The following PCDH9 variants were observed in gnomAD, a reference collection of about 807,000 sequenced individuals.
PCDH9 encodes protocadherin 9, also known as protocadherin-9.
PCDH9 carries 24 observed loss-of-function variants against 70.6 expected under a neutral mutation model. The ratio of observed to expected loss-of-function variants is 0.34; its 90% CI spans 0.25 to 0.48. The LOEUF is 0.48. PCDH9 is among the 20% of genes least tolerant of loss of function. PCDH9 has a pLI of 0.99. For synonymous variants in PCDH9, 562 were observed against 558.5 expected, an observed-to-expected ratio of 1.01 and a Z score of -0.09; for missense variants, 1,281 against 1,503.6, an observed-to-expected ratio of 0.85 and a Z score of 2.45.
chr13:67,051,714 T>A (rs887860605), intron 2 of PCDH9, among the ~76,000 whole-genome samples: 1 of 151,962 alleles, frequency 6.6e-6, no homozygotes, highest in African/African-American at 2.4e-5. Flanking sequence ...AGAAAAGACT[T>A]AAAGGAAGCT....
chr13:67,169,471 A>G (rs1455256058), intron 2 of PCDH9, among the ~76,000 whole-genome samples: 1 of 152,200 alleles, frequency 6.6e-6, no homozygotes, highest in Non-Finnish European at 1.5e-5. Context: ...CCATAAAATC[A>G]TTTCTGATTA....
intron 3 of PCDH9, among the ~76,000 whole-genome samples, chr13:66,791,525 T>C (rs1312648880): frequency 6.6e-6 from 1 of 152,082 alleles, no homozygotes; most frequent in Non-Finnish European, 1.5e-5. Flanking sequence ...TACTTTCAAA[T>C]ACAAAAAGTA....
In PCDH9 at chr13:66,706,548, G is replaced by T. The variant is rs961141328; in HGVS notation, c.3139-75137C>A. Among the ~76,000 whole-genome samples the T allele has an allele frequency of 2.6e-5, 4 of 152,166 alleles. 1 individual carries two copies. Among genetic ancestry groups the T allele is most frequent in the Admixed American group, 1.3e-4 (2 of 15,282 alleles). Reference sequence around the variant, plus strand: ...CTGACATTAACTGCTAGCAGCTGCAGTAGTGGTAGTAGCAGTAATATTTAC... The same window carrying T: ...CTGACATTAACTGCTAGCAGCTGCATTAGTGGTAGTAGCAGTAATATTTAC... On this transcript the variant is annotated intron_variant, in intron 3 of 4. Coordinates refer to ENST00000377865, the MANE Select transcript of PCDH9 (RefSeq NM_203487.3).
intron 3 of PCDH9, among the ~76,000 whole-genome samples, chr13:66,772,706 CTA>C (rs1452593422): frequency 1.3e-5 from 2 of 151,896 alleles, no homozygotes; most frequent in Non-Finnish European, 2.9e-5. Flanking sequence ...AAAAATAAAA[CTA>C]TGAAAATATC....
At chr13:67,015,662 T>C (rs542598078) in intron 2 of PCDH9, among the ~76,000 whole-genome samples, 2 of 152,276 alleles carry the variant, frequency 1.3e-5, no homozygotes, top group East Asian at 3.9e-4. Context: ...TTCAAAAGGC[T>C]TAAAAACTTT....
intron 3 of PCDH9, among the ~76,000 whole-genome samples, chr13:66,632,832 C>T (rs1272333619): frequency 1.3e-5 from 2 of 151,706 alleles, no homozygotes; most frequent in Non-Finnish European, 2.9e-5. Flanking sequence ...CACTTAAATT[C>T]AGAATTAATA....
At chr13:66,834,127 A>G (rs1208651576) in intron 3 of PCDH9, among the ~76,000 whole-genome samples, 3 of 148,030 alleles carry the variant, frequency 2.0e-5, no homozygotes, top group Non-Finnish European at 4.5e-5. Context: ...GTTATTTGTT[A>G]TCCTGAATAT....
rs201553180 is a variant in PCDH9 at position 67,102,377 on chromosome 13, T to A, written c.3036+123028A>T. Among the ~76,000 whole-genome samples the A allele has an allele frequency of 2.8e-4, 43 of 152,108 alleles. No homozygotes were observed. The East Asian group carries it at 7.2e-3, about 25-fold the overall frequency. ...GAAAACAGGCAAACTACACCTACAA[T>A]CCGAGAATATTCTAAACACAGAAAG... On this transcript the variant is annotated intron_variant, in intron 2 of 4. Transcript: ENST00000377865.
intron 4 of PCDH9, among the ~76,000 whole-genome samples, chr13:66,439,200 C>T (rs956465595): frequency 6.6e-6 from 1 of 152,208 alleles, no homozygotes; most frequent in Admixed American, 6.5e-5. Context: ...TCAGGAAATG[C>T]CTCAATTCAC....
chr13:67,226,872 A>T lies in PCDH9; in HGVS notation c.1569T>A (p.Val523=). The T allele has an allele frequency of 6.2e-7, 1 of 1,614,148 alleles. No homozygotes were observed. Among genetic ancestry groups the T allele is most frequent in the Non-Finnish European group, 8.5e-7 (1 of 1,180,040 alleles). The change falls in exon 2 of 5, where the codon GTT becomes GTA. Residue 523 remains valine, a synonymous_variant. Coordinates refer to ENST00000377865, the MANE Select transcript of PCDH9 (RefSeq NM_203487.3). The surrounding 1 kb of genome is among the most constrained non-coding windows in gnomAD (Gnocchi z 5.0). The stretch of plus-strand genomic sequence containing the variant: ...TGTCAAATACTCTGGAGGCTGTCAA[A>T]ACTCCTGTTTTTCGGTCCAGATCAA... ...SFFDLDRKTG[V]LTASRVFDRE... is the part of the protein sequence containing the mutation.
chr13:66,987,224 G>C (rs1166265068), intron 2 of PCDH9, among the ~76,000 whole-genome samples: 2 of 151,704 alleles, frequency 1.3e-5, no homozygotes, highest in East Asian at 3.9e-4. Context: ...TATATTTTGA[G>C]CTTCTTGGAA....
At chr13:66,900,300 T>C (rs1461764008) in intron 3 of PCDH9, among the ~76,000 whole-genome samples, 1 of 151,902 alleles carries the variant, frequency 6.6e-6, no homozygotes, top group Non-Finnish European at 1.5e-5. Flanking sequence ...ATAATAATCA[T>C]ACCTACCTAA....
At chr13:67,096,072 T>C (rs1017573394) in intron 2 of PCDH9, among the ~76,000 whole-genome samples, 3 of 152,280 alleles carry the variant, frequency 2.0e-5, no homozygotes, top group East Asian at 3.9e-4. Context: ...TAATATCTTA[T>C]AGAAAATAGA....
At chr13:66,452,808 C>CT (rs969309462) in intron 4 of PCDH9, among the ~76,000 whole-genome samples, 3 of 152,164 alleles carry the variant, frequency 2.0e-5, no homozygotes, top group Admixed American at 2.0e-4. Flanking sequence ...AAATGTATCA[C>CT]TTTACCTAAA....
At chr13:66,579,937 A>G (rs543498888) in intron 4 of PCDH9, among the ~76,000 whole-genome samples, 2 of 152,082 alleles carry the variant, frequency 1.3e-5, no homozygotes, top group Non-Finnish European at 2.9e-5. Context: ...TCAAAAGCCC[A>G]GGTAATATTT....
intron 2 of PCDH9, among the ~76,000 whole-genome samples, chr13:67,196,145 T>C (rs576930746): frequency 3.3e-5 from 5 of 152,256 alleles, no homozygotes; most frequent in South Asian, 4.1e-4. Context: ...ATCAAGGAAT[T>C]GAGGATAAAA....
chr13:66,755,604 G>T (rs976543510), intron 3 of PCDH9, among the ~76,000 whole-genome samples: 1 of 151,992 alleles, frequency 6.6e-6, no homozygotes, highest in African/African-American at 2.4e-5. Flanking sequence ...AACCAAAAAG[G>T]TGTGGGGTGG....
At chr13:66,428,289 A>G (rs530560953) in intron 4 of PCDH9, among the ~76,000 whole-genome samples, 1 of 151,930 alleles carries the variant, frequency 6.6e-6, no homozygotes, top group Non-Finnish European at 1.5e-5. Context: ...AAACTCTCAG[A>G]TAAGTAAAAA....
At chr13:66,425,336 C>T (rs1246113636) in intron 4 of PCDH9, among the ~76,000 whole-genome samples, 1 of 151,604 alleles carries the variant, frequency 6.6e-6, no homozygotes, top group Non-Finnish European at 1.5e-5. Context: ...AAGCAGCAGA[C>T]ATACAATCTA....
Sources: gnomAD v4.1 joint callset for allele counts (sites outside exome capture counted in the v4.1 genomes callset) on GRCh38, gnomAD v4.1.1 for gene constraint, Gnocchi (gnomAD v3.1) non-coding constraint, MANE v1.5 for transcripts, NCBI Gene and HGNC (gene_info 2026-07-23, HGNC 2026-07-21) for gene names.